IQCE: variants seen among roughly 807,000 people sequenced by gnomAD.
IQCE encodes the protein IQ motif containing E.
Under a neutral mutation model 96.0 loss-of-function variants are expected in IQCE, and 115 were observed. The ratio of observed to expected loss-of-function variants is 1.20; its 90% CI spans 1.03 to 1.40. The LOEUF (loss-of-function observed/expected upper bound fraction) is 1.40, where lower values mean the gene tolerates loss of function less well. Ranked by LOEUF, IQCE falls within the 40% of genes most tolerant of loss-of-function variation. The probability of loss-of-function intolerance (pLI) is 0.00; values close to 1 mark genes in which losing one functional copy is unlikely to be tolerated. For synonymous variants in IQCE, 412 were observed against 371.2 expected, an observed-to-expected ratio of 1.11 and a Z score of -1.26; for missense variants, 1,041 against 909.1, an observed-to-expected ratio of 1.15 and a Z score of -1.87.
intron 8 of IQCE, among the ~76,000 whole-genome samples, chr7:2,580,898 A>G (rs1042505501): frequency 1.3e-5 from 2 of 152,098 alleles, no homozygotes; most frequent in Non-Finnish European, 2.9e-5. Flanking sequence ...GCCAGGTCAG[A>G]GTATTTTAGC....
At chr7:2,571,137 C>T (rs1041441952) in intron 3 of IQCE, among the ~76,000 whole-genome samples, 2 of 152,084 alleles carry the variant, frequency 1.3e-5, no homozygotes, top group South Asian at 2.1e-4. Flanking sequence ...CCTGCCTCAG[C>T]CCCCTTGAGT....
chr7:2,594,525 G>A (rs577161885), intron 15 of IQCE, among the ~76,000 whole-genome samples: 3 of 152,266 alleles, frequency 2.0e-5, no homozygotes, highest in Admixed American at 6.5e-5. Flanking sequence ...CTCCTAGAGG[G>A]TTGGGATCAC....
Position 2,605,107 on chromosome 7 carries a change from A to G in IQCE, c.1743+116A>G. ...GCCTCCACATCCCCGCCCGCCCAGC[A>G]GGCGTCCCCTGCGCTCCATCCCTGG... On this transcript the variant is annotated intron_variant, in intron 19 of 21. Coordinates refer to ENST00000402050, the MANE Select transcript of IQCE (RefSeq NM_152558.5). 8.4e-6 allele frequency: 6 copies of G among 717,148 alleles called. No individual in the cohort carries two copies. In the South Asian group the frequency reaches 8.4e-5, roughly 10 times the overall value. 44.4% of individuals were successfully genotyped at this position (717,148 alleles called of 1,614,324 possible).
intron 1 of IQCE, among the ~76,000 whole-genome samples, chr7:2,561,177 C>CT (rs1780924831): frequency 6.6e-6 from 1 of 151,834 alleles, no homozygotes; most frequent in Admixed American, 6.6e-5. Flanking sequence ...AGGCTGGTCT[C>CT]TAACTCCTGA....
intron 4 of IQCE, among the ~76,000 whole-genome samples, chr7:2,571,880 A>C (rs1225284120): frequency 6.6e-6 from 1 of 152,018 alleles, no homozygotes; most frequent in Non-Finnish European, 1.5e-5. Context: ...TCTACATGGG[A>C]GTGGTGAGTT....
intron 1 of IQCE, among the ~76,000 whole-genome samples, chr7:2,565,275 T>C (rs1781291367): frequency 6.6e-6 from 1 of 151,958 alleles, no homozygotes; most frequent in African/African-American, 2.4e-5. Context: ...GTGTGCGCTG[T>C]GTATGATTGT....
chr7:2,570,263 T>C (rs567904604), intron 3 of IQCE, among the ~76,000 whole-genome samples: 2 of 152,246 alleles, frequency 1.3e-5, no homozygotes, highest in African/African-American at 4.8e-5. Flanking sequence ...TCCACCACCC[T>C]GTCTCCGTCC....
At chr7:2,595,138 G>A (rs866942499) in intron 16 of IQCE, among the ~76,000 whole-genome samples, 162 bp downstream of exon 16, 2 of 152,134 alleles carry the variant, frequency 1.3e-5, no homozygotes, top group African/African-American at 4.8e-5. Flanking sequence ...CGTGTGTATC[G>A]AAGTCCGGGT....
rs971844729 is a variant in IQCE, at chr7:2,559,079, A to G, written c.-103A>G. The G allele has an allele frequency of 2.1e-5, 10 of 487,386 alleles. No individual in the cohort carries two copies. Among genetic ancestry groups the G allele is most frequent in the South Asian group, 9.7e-5 (1 of 10,300 alleles). The allele number at this position is 487,386 out of a possible 1,614,324, so 30.2% of individuals were successfully genotyped here. A position where few individuals can be genotyped will look rare whatever the true frequency, so the allele number is the denominator to read the frequency against. The stretch of plus-strand genomic sequence containing the variant: ...GGCAGCGGGGTCGCGGGCCGGCGCC[A>G]GGGAAGGCCCCGAGGCTGCGGGCGG... On this transcript the variant is annotated 5_prime_UTR_variant, in exon 1 of 22. Transcript: ENST00000402050.
At chr7:2,578,663 T>C in intron 8 of IQCE, 137 bp downstream of exon 8, 1 of 888,742 alleles carries the variant, frequency 1.1e-6, no homozygotes, top group Non-Finnish European at 1.8e-6. Context: ...CCCCAAACCC[T>C]TCTCCACTGA....
intron 1 of IQCE, among the ~76,000 whole-genome samples, chr7:2,563,409 G>GTC (rs1562615955): frequency 9.2e-5 from 14 of 151,352 alleles, no homozygotes; most frequent in African/African-American, 3.4e-4. Context: ...GTGTGTGTGT[G>GTC]TGTACAGGGT....
At chr7:2,603,728 C>G (rs958370839) in intron 18 of IQCE, among the ~76,000 whole-genome samples, 1 of 152,186 alleles carries the variant, frequency 6.6e-6, no homozygotes, top group Non-Finnish European at 1.5e-5. Flanking sequence ...CGTTAATAGC[C>G]GGCGCTGCCT....
intron 2 of IQCE, among the ~76,000 whole-genome samples, chr7:2,567,678 T>G (rs1046094636): frequency 6.6e-6 from 1 of 152,238 alleles, no homozygotes; most frequent in Non-Finnish European, 1.5e-5. Context: ...AAAGGAAGTG[T>G]GCCAATTGCT....
At chr7:2,565,123 C>CGT (rs1781268462) in intron 1 of IQCE, among the ~76,000 whole-genome samples, 1 of 123,084 alleles carries the variant, frequency 8.1e-6, no homozygotes, top group African/African-American at 3.9e-5. Context: ...TGCATGTGTG[C>CGT]ATGTGTGTGA....
At chr7:2,585,886 C>G (rs919794658) in intron 11 of IQCE, among the ~76,000 whole-genome samples, 1 of 152,192 alleles carries the variant, frequency 6.6e-6, no homozygotes, top group South Asian at 2.1e-4. Flanking sequence ...CCCGAGCTAT[C>G]CTGCAAGCAC....
chr7:2,563,042 C>T (rs28874407), intron 1 of IQCE, among the ~76,000 whole-genome samples: 13,263 of 152,064 alleles, frequency 0.087, 650 homozygotes, highest in Middle Eastern at 0.15. Context: ...CCTCCTGCCT[C>T]GGCCTCCCAA....
chr7:2,576,539 A>T (rs1275322409), intron 6 of IQCE, among the ~76,000 whole-genome samples: 4 of 151,832 alleles, frequency 2.6e-5, no homozygotes, highest in Non-Finnish European at 4.4e-5. Context: ...AGCTGGGATT[A>T]CAGGTGCGTG....
At chr7:2,565,136 GT>G (rs1433389930) in intron 1 of IQCE, among the ~76,000 whole-genome samples, 4 of 57,620 alleles carry the variant, frequency 6.9e-5, no homozygotes. Flanking sequence ...GTGTGTGAGT[GT>G]GTGTGTGTGT....
chr7:2,607,035 C>G lies in IQCE; in HGVS notation c.1866-89C>G, dbSNP rs1377688684. On this transcript the variant is annotated intron_variant, in intron 20 of 21. Transcript: ENST00000402050. ...TTTGCTTTCATTGGAATACTTGCCT[C>G]CAAGCAAATTACTGAGGCTGCTGTA... 6.4e-6 allele frequency: 8 copies of G among 1,248,674 alleles called. No individual in the cohort carries two copies. The East Asian group carries it at 2.0e-4, about 32-fold the overall frequency. 77.3% of individuals were successfully genotyped at this position (1,248,674 alleles called of 1,614,324 possible). A position where few individuals can be genotyped will look rare whatever the true frequency, so the allele number is the denominator to read the frequency against.
Sources: allele counts gnomAD v4.1 joint callset (sites outside exome capture counted in the v4.1 genomes callset), GRCh38; gene constraint gnomAD v4.1.1; transcripts MANE v1.5; gene names NCBI Gene and HGNC (gene_info 2026-07-23, HGNC 2026-07-21).